The following CDH13 variants were observed in gnomAD, a reference collection of about 807,000 sequenced individuals.
CDH13 encodes cadherin 13.
A neutral mutation model predicts 63.8 loss-of-function variants in CDH13; 24 were observed. The ratio of observed to expected loss-of-function variants is 0.38; its 90% CI spans 0.27 to 0.53. The LOEUF is 0.53. Among genes scored for constraint, CDH13 ranks in the 20% least tolerant of loss-of-function variants. CDH13 has a pLI of 0.85. For missense variants in CDH13, 1,049 were observed against 903.1 expected (o/e 1.16, Z -2.07); for synonymous variants, 503 against 355.3 (o/e 1.42, Z -4.67).
chr16:83,743,768 C>CTTTTTTTTTT (rs57379661), intron 10 of CDH13, among the ~76,000 whole-genome samples: 2 of 106,076 alleles, frequency 1.9e-5, no homozygotes, highest in Non-Finnish European at 3.4e-5. Context: ...TTTTTTTTTT[C>CTTTTTTTTTT]TTTGCTTTTT....
In CDH13 at chr16:83,653,462, A is replaced by G. The variant is rs1024349321; in HGVS notation, c.1102-17328A>G. Among the ~76,000 whole-genome samples, 3 of 150,628 alleles carry G rather than the reference A, an allele frequency of 2.0e-5. No individual in the cohort carries two copies. The South Asian group carries it at 6.3e-4, about 32-fold the overall frequency. On this transcript the variant is annotated intron_variant, in intron 8 of 13. Transcript: ENST00000567109. The stretch of plus-strand genomic sequence containing the variant: ...ACAAGCTGTTTTTTTTTTTTCCTCC[A>G]TAGCTCAGAAATCAAACCAGATTGA...
intron 5 of CDH13, among the ~76,000 whole-genome samples, chr16:83,243,501 TA>T (rs1904683688): frequency 6.6e-6 from 1 of 152,120 alleles, no homozygotes; most frequent in Non-Finnish European, 1.5e-5. Flanking sequence ...CAACACATGG[TA>T]ATTGTGGGAG....
chr16:83,502,982 A>G (rs1181841812), intron 7 of CDH13, among the ~76,000 whole-genome samples: 1 of 152,184 alleles, frequency 6.6e-6, no homozygotes, highest in East Asian at 1.9e-4. Context: ...GTGGCCTTCC[A>G]TTGGCCCTCA....
At position 83,795,173 on chromosome 16, in the gene CDH13, C is replaced by CA. The variant is rs1904275681; in HGVS notation, c.*145dup. 2 of 651,526 alleles carry CA rather than the reference C, an allele frequency of 3.1e-6. No individual in the cohort carries two copies. The highest frequency in any genetic ancestry group is 3.7e-5 in the African/African-American group (2 of 54,632). The allele number at this position is 651,526 out of a possible 1,614,324, so 40.4% of individuals were successfully genotyped here. On this transcript the variant is annotated 3_prime_UTR_variant, in exon 14 of 14. Coordinates refer to ENST00000567109, the MANE Select transcript of CDH13 (RefSeq NM_001257.5). Reference sequence around the variant, plus strand: ...TTGTTCCGGTTTTTTATTTTCTTTACAATTTCACTTAGTCTGTACTTCATC... The same window carrying CA: ...TTGTTCCGGTTTTTTATTTTCTTTACAAATTTCACTTAGTCTGTACTTCATC...
chr16:82,952,825 C>A (rs1905487303), intron 2 of CDH13, among the ~76,000 whole-genome samples: 1 of 152,202 alleles, frequency 6.6e-6, no homozygotes, highest in African/African-American at 2.4e-5. Flanking sequence ...GAAGAACTGA[C>A]ACCCTGTCTT....
chr16:83,165,824 T>G (rs2037640315), intron 4 of CDH13, among the ~76,000 whole-genome samples: 1 of 151,926 alleles, frequency 6.6e-6, no homozygotes, highest in African/African-American at 2.4e-5. Context: ...TCACCTTACC[T>G]CTCCTTTTCT....
At chr16:82,959,253 A>G (rs1597297695) in intron 2 of CDH13, among the ~76,000 whole-genome samples, 2 of 152,248 alleles carry the variant, frequency 1.3e-5, no homozygotes, top group South Asian at 4.1e-4. Context: ...GATGACAGAC[A>G]CAGGAAAGCG....
intron 1 of CDH13, among the ~76,000 whole-genome samples, chr16:82,721,562 G>A (rs934521315): frequency 6.6e-6 from 1 of 152,134 alleles, no homozygotes; most frequent in Non-Finnish European, 1.5e-5. Flanking sequence ...CCAGGTAGAA[G>A]TAACAGCAAA....
At chr16:83,303,907 G>A (rs1444602756) in intron 5 of CDH13, among the ~76,000 whole-genome samples, 1 of 152,118 alleles carries the variant, frequency 6.6e-6, no homozygotes, top group Non-Finnish European at 1.5e-5. Flanking sequence ...GCATTGAGGG[G>A]TTGACCTCCA....
At chr16:83,721,897 C>T (rs953924609) in intron 10 of CDH13, 2 of 152,168 alleles carry the variant, frequency 1.3e-5, no homozygotes, top group African/African-American at 4.8e-5. Flanking sequence ...ATCTAGGGAC[C>T]GTGGGGAAAC....
chr16:83,446,909 A>G (rs1203672506), intron 6 of CDH13, among the ~76,000 whole-genome samples: 3 of 151,896 alleles, frequency 2.0e-5, no homozygotes, highest in African/African-American at 7.3e-5. Context: ...GTTTACCTCT[A>G]TCTCAAGTGT....
intron 6 of CDH13, among the ~76,000 whole-genome samples, chr16:83,394,017 G>A (rs1029170638): frequency 1.3e-5 from 2 of 152,140 alleles, no homozygotes; most frequent in Non-Finnish European, 2.9e-5. Context: ...AATACCGCCT[G>A]TTCTCGTAAG....
intron 2 of CDH13, among the ~76,000 whole-genome samples, chr16:83,026,298 T>A (rs1915792907): frequency 2.0e-5 from 3 of 152,214 alleles, no homozygotes; most frequent in Non-Finnish European, 4.4e-5. Context: ...GCTTGGGCTG[T>A]AGAGGCAGAA....
intron 1 of CDH13, among the ~76,000 whole-genome samples, chr16:82,830,745 G>C (rs78305389): frequency 5.5e-4 from 84 of 152,248 alleles, no homozygotes; most frequent in African/African-American, 2.0e-3. Flanking sequence ...CCAATACCTT[G>C]TTTTATGCAT....
chr16:83,008,668 G>C (rs200933264), intron 2 of CDH13, among the ~76,000 whole-genome samples: 1 of 152,254 alleles, frequency 6.6e-6, no homozygotes, highest in East Asian at 1.9e-4. Flanking sequence ...ATGAGGGATT[G>C]GGAAATCAGT....
chr16:83,214,804 C>A (rs980538311), intron 4 of CDH13, among the ~76,000 whole-genome samples: 2 of 151,958 alleles, frequency 1.3e-5, no homozygotes, highest in South Asian at 4.2e-4. Flanking sequence ...GTCATCTGCA[C>A]TTTAAAGATG....
At chr16:83,285,023 C>G (rs2089273687) in intron 5 of CDH13, among the ~76,000 whole-genome samples, 1 of 152,156 alleles carries the variant, frequency 6.6e-6, no homozygotes, top group South Asian at 2.1e-4. Flanking sequence ...GGTTCAGACA[C>G]CTTTTCTGCA....
rs577235071 is a variant in CDH13, at chr16:82,764,202, A to T, written c.46-94160A>T. Among the ~76,000 whole-genome samples, 9 of 152,336 alleles carry T rather than the reference A, an allele frequency of 5.9e-5. No homozygotes were observed. In the South Asian group the frequency reaches 1.9e-3, roughly 32 times the overall value. On this transcript the variant is annotated intron_variant, in intron 1 of 13. Coordinates refer to ENST00000567109, the MANE Select transcript of CDH13 (RefSeq NM_001257.5). ...TAGAATACATATTCCTCATTTACAGACAAGTACACAGGCTAAGCATGACTG... is the reference window on the plus strand; with the variant it reads ...TAGAATACATATTCCTCATTTACAGTCAAGTACACAGGCTAAGCATGACTG...
intron 3 of CDH13, among the ~76,000 whole-genome samples, chr16:83,097,315 A>C (rs756022434): frequency 6.6e-6 from 1 of 152,212 alleles, no homozygotes; most frequent in African/African-American, 2.4e-5. Flanking sequence ...CTCTTGCCTC[A>C]TAACTTTTGT....
Sources: allele counts gnomAD v4.1 joint callset (sites outside exome capture counted in the v4.1 genomes callset), GRCh38; gene constraint gnomAD v4.1.1; transcripts MANE v1.5; gene names NCBI Gene and HGNC (gene_info 2026-07-23, HGNC 2026-07-21).